Variants in MGAT5 observed in about 807,000 individuals in gnomAD.
The protein encoded by MGAT5 is alpha-1,6-mannosylglycoprotein 6-beta-N-acetylglucosaminyltransferase A.
In MGAT5, 30 loss-of-function variants were observed where a neutral mutation model predicts 94.3. That is an observed-to-expected ratio of 0.32 (90% CI 0.24 to 0.43). The LOEUF (loss-of-function observed/expected upper bound fraction) is 0.43, where lower values mean the gene tolerates loss of function less well. MGAT5 is among the 20% of genes least tolerant of loss of function. The pLI, the probability that MGAT5 is intolerant of heterozygous loss-of-function variation, is 1.00. For missense variants in MGAT5, 691 were observed against 905.5 expected (o/e 0.76, Z 3.04); for synonymous variants, 310 against 322.9 (o/e 0.96, Z 0.43).
intron 4 of MGAT5, chr2:134,319,680 C>A: frequency 2.9e-6 from 1 of 344,164 alleles, no homozygotes; most frequent in South Asian, 2.3e-5. Flanking sequence ...ATCTTCAGGT[C>A]CTCTATGCCA....
chr2:134,306,657 G>A (rs1686346283), intron 2 of MGAT5, among the ~76,000 whole-genome samples: 1 of 152,066 alleles, frequency 6.6e-6, no homozygotes, highest in East Asian at 1.9e-4. Context: ...GGGTGAATGA[G>A]GCTATAAATG....
intron 1 of MGAT5, among the ~76,000 whole-genome samples, chr2:134,131,048 T>C (rs1686135213): frequency 6.6e-6 from 1 of 152,198 alleles, no homozygotes; most frequent in South Asian, 2.1e-4. Flanking sequence ...CTTTGTTCTT[T>C]TGCTCTTTGC....
intron 1 of MGAT5, among the ~76,000 whole-genome samples, chr2:134,216,297 C>T (rs1680493444): frequency 1.3e-5 from 2 of 151,984 alleles, no homozygotes; most frequent in South Asian, 2.1e-4. Flanking sequence ...TGAAAGATGG[C>T]TAAGTCTGAA....
intron 10 of MGAT5, among the ~76,000 whole-genome samples, chr2:134,395,084 C>A (rs1231280669): frequency 1.3e-5 from 2 of 152,180 alleles, no homozygotes; most frequent in African/African-American, 4.8e-5. Context: ...AACCTACCAG[C>A]CTGTTTTCTG....
At chr2:134,207,537 T>C (rs1680072421) in intron 1 of MGAT5, among the ~76,000 whole-genome samples, 1 of 150,468 alleles carries the variant, frequency 6.6e-6, no homozygotes, top group African/African-American at 2.5e-5. Flanking sequence ...GCTTTATTTC[T>C]CAAGGCATGT....
rs2106114374 is a variant in MGAT5 at position 134,362,382 on chromosome 2, T to C, written c.1354T>C (p.Tyr452His). The change falls in exon 10 of 16, where the codon TAT (tyrosine) becomes CAT (histidine). Residue 452 changes from tyrosine (Y) to histidine (H), a missense_variant. Physicochemically the swap from Tyr to His is moderately conservative, Grantham distance 83 (BLOSUM62 2). Transcript: ENST00000281923. The stretch of plus-strand genomic sequence containing the variant: ...CAAAAGGCAGAACCAGTCCCTTGTG[T>C]ATGGCAAAGTGGATAGCTTCTGGAA... ...EIKRQNQSLV[Y>H]GKVDSFWKNK... 1 of 1,614,132 alleles carries C rather than the reference T, an allele frequency of 6.2e-7. No individual in the cohort carries two copies. Among genetic ancestry groups the C allele is most frequent in the Middle Eastern group, 1.7e-4 (1 of 6,060 alleles).
At chr2:134,404,721 C>G (rs1683240439) in intron 11 of MGAT5, among the ~76,000 whole-genome samples, 1 of 152,178 alleles carries the variant, frequency 6.6e-6, no homozygotes, top group South Asian at 2.1e-4. Context: ...AATGATTTGA[C>G]AATTTCTTTA....
intron 1 of MGAT5, among the ~76,000 whole-genome samples, chr2:134,160,388 G>T (rs1687675825): frequency 6.6e-6 from 1 of 152,164 alleles, no homozygotes; most frequent in Non-Finnish European, 1.5e-5. Context: ...TAGCCAGGAT[G>T]GTCTCGACCT....
At chr2:134,390,740 C>G (rs1304940096) in intron 10 of MGAT5, among the ~76,000 whole-genome samples, 1 of 152,126 alleles carries the variant, frequency 6.6e-6, no homozygotes, top group Non-Finnish European at 1.5e-5. Context: ...CCCCCTAACC[C>G]TCCCGCCCCC....
Position 134,450,701 on chromosome 2 carries a change from G to T in MGAT5, c.*1854G>T, listed in dbSNP as rs1031207313. 7.9e-5 allele frequency: 12 copies of T among 152,268 alleles called. No homozygotes were observed. The highest frequency in any genetic ancestry group is 5.9e-4 in the Admixed American group (9 of 15,254). 9.4% of individuals were successfully genotyped at this position (152,268 alleles called of 1,614,324 possible). A position where few individuals can be genotyped will look rare whatever the true frequency, so the allele number is the denominator to read the frequency against. On this transcript the variant is annotated 3_prime_UTR_variant, in exon 16 of 16. Transcript: ENST00000281923. ...CCTCTGCCCTGAGCATCATCACAGG[G>T]GCGCCTCCAGACCTGGCTGAGAATA...
chr2:134,237,148 T>TGTGTGTGCGCGC (rs374914892), intron 1 of MGAT5, among the ~76,000 whole-genome samples: 5 of 140,744 alleles, frequency 3.6e-5, no homozygotes, highest in African/African-American at 7.9e-5. Flanking sequence ...TGTGTGTGTG[T>TGTGTGTGCGCGC]GCGCGTGTGT....
At position 134,268,496 on chromosome 2, in the gene MGAT5, T is replaced by G. The variant is rs972435062; in HGVS notation, c.242-1890T>G. 6.6e-6 allele frequency among the ~76,000 whole-genome samples: 1 copy of G among 152,178 alleles called. No individual in the cohort carries two copies. The highest frequency in any genetic ancestry group is 1.5e-5 in the Non-Finnish European group (1 of 68,032). On this transcript the variant is annotated intron_variant, in intron 1 of 15. Coordinates refer to ENST00000281923, the MANE Select transcript of MGAT5 (RefSeq NM_002410.5). The surrounding 1 kb of genome is among the most constrained non-coding windows in gnomAD (Gnocchi z 4.1). ...ACAGGTGACTGACTCCCGCTGTCTG[T>G]GCCAACTAATGATGTGCCTGTGACA...
rs983195041 is a variant in MGAT5, at chr2:134,259,243, C to T, written c.241+4599C>T. ...GCCCTCTGCAGGTCAGCCCCATCTG[C>T]ATCTCCCAGCCAGTGTGGCAGGGGC... On this transcript the variant is annotated intron_variant, in intron 1 of 15. Transcript: ENST00000281923. 2.0e-5 allele frequency among the ~76,000 whole-genome samples: 3 copies of T among 152,346 alleles called. No individual in the cohort carries two copies. In the East Asian group the frequency reaches 5.8e-4, roughly 29 times the overall value.
chr2:134,357,605 C>G (rs1679827386), intron 9 of MGAT5, among the ~76,000 whole-genome samples: 1 of 152,172 alleles, frequency 6.6e-6, no homozygotes, highest in East Asian at 1.9e-4. Context: ...TAACTTGAAT[C>G]AGGAGGGCTC....
At chr2:134,421,514 G>A (rs1684290208) in intron 12 of MGAT5, among the ~76,000 whole-genome samples, 1 of 152,114 alleles carries the variant, frequency 6.6e-6, no homozygotes, top group South Asian at 2.1e-4. Context: ...GAACCCAGGA[G>A]GCAGAGGTTG....
At chr2:134,120,071 G>C (rs545489546), upstream of MGAT5, 98 of 152,666 alleles carry the variant, frequency 6.4e-4, no homozygotes, top group South Asian at 6.2e-3. Flanking sequence ...GGCTGAGTGT[G>C]GACGCGCCGC....
chr2:134,285,118 T>C (rs1437877337), intron 2 of MGAT5, among the ~76,000 whole-genome samples: 1 of 152,214 alleles, frequency 6.6e-6, no homozygotes, highest in Non-Finnish European at 1.5e-5. Flanking sequence ...GTTTTCCAAT[T>C]CTTTTTCTGA....
At chr2:134,376,228 A>G (rs1463443106) in intron 10 of MGAT5, among the ~76,000 whole-genome samples, 2 of 152,166 alleles carry the variant, frequency 1.3e-5, no homozygotes. Context: ...CTATTGCCTA[A>G]GAGAGTCTTC....
intron 1 of MGAT5, among the ~76,000 whole-genome samples, chr2:134,134,505 C>T (rs1558949875): frequency 6.6e-6 from 1 of 152,214 alleles, no homozygotes; most frequent in Admixed American, 6.5e-5. Context: ...AAGGGCAGAA[C>T]TCTGAGTAAG....
Sources: gnomAD v4.1 joint callset for allele counts (sites outside exome capture counted in the v4.1 genomes callset) on GRCh38, gnomAD v4.1.1 for gene constraint, Gnocchi (gnomAD v3.1) non-coding constraint, MANE v1.5 for transcripts, NCBI Gene and HGNC (gene_info 2026-07-23, HGNC 2026-07-21) for gene names.